The following LINGO2 variants were observed in gnomAD, a reference collection of about 807,000 sequenced individuals.
LINGO2 encodes leucine rich repeat and Ig domain containing 2, also known as leucine-rich repeat and immunoglobulin-like domain-containing nogo receptor-interacting protein 2.
A neutral mutation model predicts 30.6 loss-of-function variants in LINGO2; 14 were observed. That is an observed-to-expected ratio of 0.46 (90% CI 0.30 to 0.72). The LOEUF (loss-of-function observed/expected upper bound fraction) is 0.72, where lower values mean the gene tolerates loss of function less well. Ranked by LOEUF, LINGO2 falls within the 30% of genes least tolerant of loss-of-function variation. The probability of loss-of-function intolerance (pLI) is 0.07; values close to 1 mark genes in which losing one functional copy is unlikely to be tolerated. For missense variants in LINGO2, 729 were observed against 751.7 expected (o/e 0.97, Z 0.35); for synonymous variants, 317 against 288.5 (o/e 1.10, Z -1.00).
chr9:28,457,196 T>C (rs779441801), intron 2 of LINGO2, among the ~76,000 whole-genome samples: 3 of 152,204 alleles, frequency 2.0e-5, no homozygotes, highest in Non-Finnish European at 2.9e-5. Flanking sequence ...AAAATGTTCA[T>C]GAGCTCTGTG....
At chr9:28,847,472 G>A in the LINGO2 span, among the ~76,000 whole-genome samples, 1 of 146,518 alleles carries the variant, frequency 6.8e-6, no homozygotes, top group Non-Finnish European at 1.5e-5. Context: ...AGTTATGTCA[G>A]TTCTCATCTG....
At chr9:29,146,281 G>C in the LINGO2 span, among the ~76,000 whole-genome samples, 7 of 152,056 alleles carry the variant, frequency 4.6e-5, no homozygotes, top group African/African-American at 1.7e-4. Flanking sequence ...GGTTGAACCA[G>C]GAGGCAGACG....
chr9:28,435,781 A>G (rs1274672985), intron 2 of LINGO2, among the ~76,000 whole-genome samples: 1 of 152,216 alleles, frequency 6.6e-6, no homozygotes, highest in Non-Finnish European at 1.5e-5. Context: ...ACCATGTGAG[A>G]CTGCAGTTAT....
At chr9:28,279,363 T>C (rs1449952219) in intron 4 of LINGO2, among the ~76,000 whole-genome samples, 2 of 152,298 alleles carry the variant, frequency 1.3e-5, no homozygotes, top group South Asian at 2.1e-4. Flanking sequence ...CATTGCATGA[T>C]ACAGAGAAAT....
At chr9:28,156,347 T>C (rs917476168) in intron 4 of LINGO2, among the ~76,000 whole-genome samples, 5 of 152,216 alleles carry the variant, frequency 3.3e-5, no homozygotes, top group Non-Finnish European at 5.9e-5. Flanking sequence ...TTTGTAAAAA[T>C]GCAGTAGATC....
chr9:28,471,744 G>A (rs1410926836), intron 2 of LINGO2, among the ~76,000 whole-genome samples: 5 of 152,030 alleles, frequency 3.3e-5, no homozygotes, highest in Non-Finnish European at 7.4e-5. Context: ...TAACCTTTTG[G>A]GAAACTAGCA....
chr9:28,460,020 G>T (rs7858668), intron 2 of LINGO2, among the ~76,000 whole-genome samples: 2 of 151,918 alleles, frequency 1.3e-5, no homozygotes, highest in Non-Finnish European at 2.9e-5. Context: ...ATTTATTCTT[G>T]TGTGTCTGAT....
chr9:28,359,666 TACC>T (rs1192037481), intron 3 of LINGO2, among the ~76,000 whole-genome samples: 5 of 152,184 alleles, frequency 3.3e-5, no homozygotes, highest in Non-Finnish European at 7.4e-5. Flanking sequence ...CTGTTTTTTC[TACC>T]AAGTCCCTTT....
the LINGO2 span, among the ~76,000 whole-genome samples, chr9:28,861,341 A>G: frequency 7.6e-6 from 1 of 131,856 alleles, no homozygotes; most frequent in African/African-American, 2.8e-5. Flanking sequence ...ATATATTATT[A>G]ATATATATAC....
the LINGO2 span, among the ~76,000 whole-genome samples, chr9:29,102,107 A>G: frequency 6.7e-6 from 1 of 149,064 alleles, no homozygotes; most frequent in Non-Finnish European, 1.5e-5. Flanking sequence ...TTCGAGACCC[A>G]GTCTCGCTCT....
chr9:28,930,899 A>G, the LINGO2 span, among the ~76,000 whole-genome samples: 4 of 152,166 alleles, frequency 2.6e-5, no homozygotes. The surrounding 1 kb of genome is among the most constrained non-coding windows in gnomAD (Gnocchi z 4.2). Flanking sequence ...TTTCTTGGCA[A>G]TATTACTCTA....
At chr9:29,185,936 G>T in the LINGO2 span, among the ~76,000 whole-genome samples, 1 of 152,104 alleles carries the variant, frequency 6.6e-6, no homozygotes, top group African/African-American at 2.4e-5. Flanking sequence ...AACACCAAAT[G>T]ACCAAGTTCC....
the LINGO2 span, among the ~76,000 whole-genome samples, chr9:28,896,249 AT>A: frequency 3.1e-4 from 47 of 152,140 alleles, 1 homozygote. Flanking sequence ...TACTTACAAA[AT>A]TAGTACAATT....
the LINGO2 span, among the ~76,000 whole-genome samples, chr9:28,708,818 C>T: frequency 1.5e-5 from 2 of 131,250 alleles, no homozygotes; most frequent in South Asian, 4.6e-4. Flanking sequence ...TATCTATCAT[C>T]TATCCATCAT....
chr9:28,814,520 C>T, the LINGO2 span, among the ~76,000 whole-genome samples: 1 of 152,192 alleles, frequency 6.6e-6, no homozygotes, highest in African/African-American at 2.4e-5. Context: ...ACTGTCATAG[C>T]CCTTGGCAAG....
At chr9:28,259,812 G>C (rs4552997) in intron 4 of LINGO2, among the ~76,000 whole-genome samples, 146,866 of 151,908 alleles carry the variant, frequency 0.97, 71,208 homozygotes, top group Middle Eastern at 1. Flanking sequence ...GGAAGCCAAA[G>C]GATAGGGGAG....
chr9:28,977,434 A>G, the LINGO2 span, among the ~76,000 whole-genome samples: 11 of 152,204 alleles, frequency 7.2e-5, no homozygotes, highest in Non-Finnish European at 1.2e-4. Context: ...TGAATTTTAT[A>G]AGTTCATTAT....
At chr9:28,591,662 C>A (rs901748004) in intron 1 of LINGO2, among the ~76,000 whole-genome samples, 1 of 152,008 alleles carries the variant, frequency 6.6e-6, no homozygotes, top group Admixed American at 6.6e-5. Flanking sequence ...GAACGCGGCA[C>A]TGCTAGGTTG....
At chr9:28,104,583 C>A (rs543665335) in intron 4 of LINGO2, among the ~76,000 whole-genome samples, 31 of 151,902 alleles carry the variant, frequency 2.0e-4, no homozygotes, top group Middle Eastern at 3.4e-3. Context: ...TTTTCAATTA[C>A]AATTCCATGA....
Sources: allele counts gnomAD v4.1 joint callset (sites outside exome capture counted in the v4.1 genomes callset), GRCh38; gene constraint gnomAD v4.1.1; non-coding constraint Gnocchi (gnomAD v3.1); transcripts MANE v1.5; gene names NCBI Gene and HGNC (gene_info 2026-07-23, HGNC 2026-07-21).